The following KLHL29 variants were observed in gnomAD, a reference collection of about 807,000 sequenced individuals.
The protein encoded by KLHL29 is kelch like family member 29.
Under a neutral mutation model 80.4 loss-of-function variants are expected in KLHL29, and 21 were observed. That is an observed-to-expected ratio of 0.26 (90% CI 0.19 to 0.38). KLHL29 has a LOEUF of 0.38. Among genes scored for constraint, KLHL29 ranks in the 10% least tolerant of loss-of-function variants. The pLI, the probability that KLHL29 is intolerant of heterozygous loss-of-function variation, is 1.00. For missense variants in KLHL29, 867 were observed against 1,223.9 expected (o/e 0.71, Z 4.35); for synonymous variants, 511 against 526.8 (o/e 0.97, Z 0.41).
chr2:23,659,231 A>G (rs1187932186), intron 5 of KLHL29, among the ~76,000 whole-genome samples: 1 of 152,232 alleles, frequency 6.6e-6, no homozygotes, highest in African/African-American at 2.4e-5. Context: ...CAACTTGAGC[A>G]ACCCGTCCGC....
intron 3 of KLHL29, among the ~76,000 whole-genome samples, chr2:23,631,644 T>C (rs535234234): frequency 1.3e-5 from 2 of 152,302 alleles, no homozygotes; most frequent in Non-Finnish European, 2.9e-5. Flanking sequence ...CGCGTAGGGA[T>C]TTAACTGCGA....
chr2:23,443,757 A>G (rs113322055), intron 1 of KLHL29, among the ~76,000 whole-genome samples: 140 of 152,340 alleles, frequency 9.2e-4, no homozygotes, highest in African/African-American at 3.2e-3. Flanking sequence ...TGTCCCCTGT[A>G]GTTGACTTGG....
At chr2:23,566,175 T>C (rs1572405095) in intron 3 of KLHL29, among the ~76,000 whole-genome samples, 1 of 152,214 alleles carries the variant, frequency 6.6e-6, no homozygotes, top group Non-Finnish European at 1.5e-5. Flanking sequence ...GAAAGGCCAG[T>C]TGGACAAGCA....
intron 2 of KLHL29, among the ~76,000 whole-genome samples, chr2:23,513,040 G>C (rs947308213): frequency 1.3e-5 from 2 of 152,222 alleles, no homozygotes; most frequent in Non-Finnish European, 2.9e-5. Context: ...CATGCTTCAC[G>C]CGTGGTGACC....
chr2:23,670,911 GCACGCGCTCTCT>G (rs1670704140), intron 5 of KLHL29, among the ~76,000 whole-genome samples: 1 of 33,068 alleles, frequency 3.0e-5, no homozygotes, highest in Non-Finnish European at 8.4e-5. Context: ...CTACACACAT[GCACGCGCTCTCT>G]CTCTCTCTCT....
At chr2:23,451,660 G>A (rs1663881757) in intron 1 of KLHL29, among the ~76,000 whole-genome samples, 1 of 152,190 alleles carries the variant, frequency 6.6e-6, no homozygotes, top group Non-Finnish European at 1.5e-5. Context: ...TGTCCTCCAG[G>A]TGGGAGACGG....
At chr2:23,477,774 G>A (rs995084791) in intron 2 of KLHL29, among the ~76,000 whole-genome samples, 3 of 152,212 alleles carry the variant, frequency 2.0e-5, no homozygotes, top group African/African-American at 2.4e-5. Flanking sequence ...CTCCTACACG[G>A]GGCAAAGAAA....
rs192632957 is a variant in KLHL29, at chr2:23,693,999, G to A, written c.1542+471G>A. Among the ~76,000 whole-genome samples, 939 of 152,344 alleles carry A rather than the reference G, an allele frequency of 6.2e-3. 2 individuals are homozygous for A. Among genetic ancestry groups the A allele is most frequent in the Non-Finnish European group, 9.6e-3 (654 of 68,022 alleles). ...ATCTCGCCATTGAGCCCCAGAGAAA[G>A]GGGTCCTCAGATCAGGTGGGAGGCA... On this transcript the variant is annotated intron_variant, in intron 8 of 13. Coordinates refer to ENST00000486442, the MANE Select transcript of KLHL29 (RefSeq NM_052920.2).
chr2:23,703,616 G>T (rs1672528934), intron 12 of KLHL29, 103 bp from the exon 13 acceptor site: 2 of 1,358,972 alleles, frequency 1.5e-6, no homozygotes, highest in Admixed American at 2.6e-5. Context: ...TCACTTGTTG[G>T]AAGTCTTTCG....
chr2:23,553,729 C>A (rs1021929700), intron 2 of KLHL29, among the ~76,000 whole-genome samples: 2 of 152,220 alleles, frequency 1.3e-5, no homozygotes, highest in African/African-American at 4.8e-5. Context: ...CTAGTCCCAG[C>A]CCCGCCATGT....
chr2:23,388,839 T>C (rs1295026589), intron 1 of KLHL29, among the ~76,000 whole-genome samples: 2 of 150,718 alleles, frequency 1.3e-5, no homozygotes, highest in Admixed American at 6.6e-5. Context: ...TATGTGTACA[T>C]GGGTTTTTTT....
intron 3 of KLHL29, among the ~76,000 whole-genome samples, chr2:23,633,563 TGA>T (rs1669524932): frequency 6.6e-6 from 1 of 152,144 alleles, no homozygotes; most frequent in South Asian, 2.1e-4. Context: ...ACAGGAATTC[TGA>T]GAGAGCTTGG....
intron 11 of KLHL29, among the ~76,000 whole-genome samples, chr2:23,700,000 C>A (rs1672266327): frequency 6.6e-6 from 1 of 152,240 alleles, no homozygotes; most frequent in Admixed American, 6.5e-5. Context: ...GTCATTCCTA[C>A]AAATACAGCT....
chr2:23,661,183 A>C (rs1432530214), intron 5 of KLHL29, among the ~76,000 whole-genome samples: 1 of 152,108 alleles, frequency 6.6e-6, no homozygotes, highest in East Asian at 1.9e-4. Context: ...TCTACAAAAA[A>C]CTTAAACATT....
chr2:23,639,769 A>G lies in KLHL29; in HGVS notation c.427+489A>G, dbSNP rs149527952. On this transcript the variant is annotated intron_variant, in intron 4 of 13. Transcript: ENST00000486442. The stretch of plus-strand genomic sequence containing the variant: ...CTCTCTTTTATCTCCCATTGGCCCC[A>G]GAGCGCCCCCTCAGGATACACAGAA... Among the ~76,000 whole-genome samples, 564 of 152,188 alleles carry G rather than the reference A, an allele frequency of 3.7e-3. 10 individuals carry two copies. In the East Asian group the frequency reaches 0.037, roughly 10 times the overall value.
intron 2 of KLHL29, among the ~76,000 whole-genome samples, chr2:23,493,899 T>C (rs1665181677): frequency 6.6e-6 from 1 of 152,240 alleles, no homozygotes; most frequent in South Asian, 2.1e-4. Flanking sequence ...GATAATTATT[T>C]GTACAGTGTA....
intron 3 of KLHL29, among the ~76,000 whole-genome samples, chr2:23,597,264 C>T (rs1468833518): frequency 8.5e-6 from 1 of 117,146 alleles, no homozygotes; most frequent in Non-Finnish European, 1.7e-5. Context: ...GTCTGTTCAC[C>T]CATCTCGCTC....
intron 5 of KLHL29, among the ~76,000 whole-genome samples, chr2:23,654,969 C>T (rs1365713592): frequency 1.3e-5 from 2 of 152,200 alleles, no homozygotes; most frequent in African/African-American, 2.4e-5. Flanking sequence ...GGGCTAAGGA[C>T]GGGCAAGTCC....
At chr2:23,609,791 C>T (rs574116079) in intron 3 of KLHL29, among the ~76,000 whole-genome samples, 4 of 152,262 alleles carry the variant, frequency 2.6e-5, no homozygotes, top group Non-Finnish European at 4.4e-5. Flanking sequence ...AGTGACTTAT[C>T]CCCATTGTAT....
Sources: gnomAD v4.1 joint callset for allele counts (sites outside exome capture counted in the v4.1 genomes callset) on GRCh38, gnomAD v4.1.1 for gene constraint, MANE v1.5 for transcripts, NCBI Gene and HGNC (gene_info 2026-07-23, HGNC 2026-07-21) for gene names.